Variants in LRP4 observed in about 807,000 individuals in gnomAD.
LRP4 encodes low-density lipoprotein receptor-related protein 4.
In LRP4, 95 loss-of-function variants were observed where a neutral mutation model predicts 220.3. The ratio of observed to expected loss-of-function variants is 0.43; its 90% CI spans 0.37 to 0.51. The LOEUF (loss-of-function observed/expected upper bound fraction) is 0.51. Ranked by LOEUF, LRP4 falls within the 20% of genes least tolerant of loss-of-function variation. LRP4 has a pLI of 0.00. For synonymous variants in LRP4, 903 were observed against 954.6 expected, an observed-to-expected ratio of 0.95 and a Z score of 1.00; for missense variants, 1,925 against 2,567.0, an observed-to-expected ratio of 0.75 and a Z score of 5.40.
At position 46,858,721 on chromosome 11, in the gene LRP4, A is replaced by AG; in HGVS notation, c.*261dup. The AG allele has an allele frequency of 2.0e-6, 1 of 510,344 alleles. No individual in the cohort carries two copies. Among genetic ancestry groups the AG allele is most frequent in the Non-Finnish European group, 3.6e-6 (1 of 278,408 alleles). The allele number at this position is 510,344 out of a possible 1,614,324, so 31.6% of individuals were successfully genotyped here. On this transcript the variant is annotated 3_prime_UTR_variant, in exon 38 of 38. Coordinates refer to ENST00000378623, the MANE Select transcript of LRP4 (RefSeq NM_002334.4). ...TGAGGAATCACGAATAAGCAGTTTC[A>AG]GGGGGCCCAGGATGGAGTACAAGAT...
chr11:46,868,324 G>A (rs1019183968), intron 33 of LRP4, among the ~76,000 whole-genome samples: 5 of 152,232 alleles, frequency 3.3e-5, no homozygotes, highest in Non-Finnish European at 7.3e-5. Flanking sequence ...CACCAGTCAG[G>A]AAGAGAGAGT....
Position 46,890,411 on chromosome 11 carries a change from T to C in LRP4, c.1781A>G (p.Asp594Gly). The change falls in exon 14 of 38, where the codon GAT becomes GGT. Residue 594 changes from aspartate to glycine, a missense_variant. Asp to Gly is a moderately conservative substitution (Grantham distance 94, BLOSUM62 -1). Coordinates refer to ENST00000378623, the MANE Select transcript of LRP4 (RefSeq NM_002334.4). This position sits in a 1 kb window ranked among gnomAD's most constrained non-coding sequence, Gnocchi z 5.3. ...GCCATTGGGCCAGAAGAGATGGGTA[T>C]CGGCAATGATGCGGCGTCCAGAGCC... Reference protein sequence around the residue: ...MDGSGRRIIADTHLFWPNGLT... With the variant: ...MDGSGRRIIAGTHLFWPNGLT... 2 of 1,614,076 alleles carry C rather than the reference T, an allele frequency of 1.2e-6. No homozygotes were observed. The highest frequency in any genetic ancestry group is 1.7e-6 in the Non-Finnish European group (2 of 1,180,016).
chr11:46,904,488 G>T (rs1941725868), intron 1 of LRP4, among the ~76,000 whole-genome samples: 1 of 142,126 alleles, frequency 7.0e-6, no homozygotes, highest in South Asian at 2.2e-4. Flanking sequence ...TGCATGGATG[G>T]ATGGATGGAT....
In LRP4 at chr11:46,899,814, G is replaced by A; in HGVS notation, c.430+49C>T. The A allele has an allele frequency of 6.7e-7, 1 of 1,481,994 alleles. No homozygotes were observed. Among genetic ancestry groups the A allele is most frequent in the Non-Finnish European group, 9.4e-7 (1 of 1,062,024 alleles). The allele number at this position is 1,481,994 out of a possible 1,614,324, so 91.8% of individuals were successfully genotyped here. On this transcript the variant is annotated intron_variant, in intron 4 of 37. Transcript: ENST00000378623. The surrounding 1 kb of genome is among the most constrained non-coding windows in gnomAD (Gnocchi z 5.9). ...TTGCTGCTATCTTCTCCCATGGCCA[G>A]GCCACCCACTGGCCACCTTGCCTGC...
Position 46,896,001 on chromosome 11 carries a change from C to T in LRP4, c.1066G>A (p.Glu356Lys), listed in dbSNP as rs746669931. The T allele has an allele frequency of 1.9e-6, 3 of 1,614,030 alleles. No individual in the cohort carries two copies. Among genetic ancestry groups the T allele is most frequent in the East Asian group, 4.5e-5 (2 of 44,896 alleles). ...QQNCRPRTGEENCNVNNGGCA... is the reference protein window; with the variant it reads ...QQNCRPRTGEKNCNVNNGGCA... ...CCACCGTTGTTAACATTGCAGTTCT[C>T]CTCACCCGTCCGGGGCCCTGTGCCA... The change falls in exon 10 of 38, where the codon GAG becomes AAG. Residue 356 changes from glutamate to lysine, a missense_variant. This residue lies in a region of LRP4 where 412 missense variants were observed against 505.4 expected (regional missense o/e 0.82). Coordinates refer to ENST00000378623, the MANE Select transcript of LRP4 (RefSeq NM_002334.4).
chr11:46,900,635 G>GT (rs1324641932), intron 2 of LRP4, among the ~76,000 whole-genome samples: 2 of 151,294 alleles, frequency 1.3e-5, no homozygotes, highest in Admixed American at 1.3e-4. Flanking sequence ...ACCTGGCTAG[G>GT]TTTTTTTGGT....
chr11:46,881,713 T>A lies in LRP4; in HGVS notation c.2803A>T (p.Ser935Cys), dbSNP rs1044241033. Reference sequence around the variant, plus strand: ...ACTGCCACCCTTACCTTCCTCTTACTGCCATCCAGTCCAGCAAATTCAATT... The same window carrying A: ...ACTGCCACCCTTACCTTCCTCTTACAGCCATCCAGTCCAGCAAATTCAATT... The part of the protein sequence containing the change: ...KTIEFAGLDG[S>C]KRKVLIGSQL... Residue 935 changes from serine (S) to cysteine (C), a missense_variant, in exon 20 of 38, where the codon AGT becomes TGT. By Grantham distance (112) the Ser-to-Cys change is moderately radical. Coordinates refer to ENST00000378623, the MANE Select transcript of LRP4 (RefSeq NM_002334.4). The A allele has an allele frequency of 6.2e-7, 1 of 1,613,822 alleles. No individual in the cohort carries two copies. Among genetic ancestry groups the A allele is most frequent in the Admixed American group, 1.7e-5 (1 of 59,980 alleles).
intron 1 of LRP4, among the ~76,000 whole-genome samples, chr11:46,917,954 CCT>C (rs1315590090): frequency 6.6e-6 from 1 of 152,216 alleles, no homozygotes; most frequent in Middle Eastern, 3.2e-3. Context: ...CACCCGCCTC[CCT>C]TTCTTCGCAC....
Position 46,871,605 on chromosome 11 carries a change from G to C in LRP4, c.4612C>G (p.Arg1538Gly). Residue 1538 changes from arginine to glycine, a missense_variant, in exon 31 of 38, where the codon CGG (arginine) becomes GGG (glycine). Physicochemically the swap from Arg to Gly is moderately radical, Grantham distance 125. Transcript: ENST00000378623. ...RIYWVDAHLD[R>G]IESADLNGKL... is the part of the protein sequence containing the mutation. ...CCATTGAGGTCAGCACTCTCGATCC[G>C]GTCCAGATGCGCATCCACCCAGTAG... 1.9e-6 allele frequency: 3 copies of C among 1,612,546 alleles called. No homozygotes were observed. The highest frequency in any genetic ancestry group is 2.5e-6 in the Non-Finnish European group (3 of 1,179,278).
Position 46,891,179 on chromosome 11 carries a change from T to C in LRP4, c.1698-685A>G, listed in dbSNP as rs1941414009. Among the ~76,000 whole-genome samples, 2 of 152,096 alleles carry C rather than the reference T, an allele frequency of 1.3e-5. 1 individual carries two copies. Among genetic ancestry groups the C allele is most frequent in the South Asian group, 4.2e-4 (2 of 4,818 alleles). ...CCCAGGCTGGAATGCAGTGGCACGA[T>C]TTCAGCTCACTGCAACCTCCACCTC... On this transcript the variant is annotated intron_variant, in intron 13 of 37. Coordinates refer to ENST00000378623, the MANE Select transcript of LRP4 (RefSeq NM_002334.4).
chr11:46,879,170 T>C lies in LRP4; in HGVS notation c.2960A>G (p.Glu987Gly), dbSNP rs1941092059. 1 of 1,614,224 alleles carries C rather than the reference T, an allele frequency of 6.2e-7. No homozygotes were observed. The highest frequency in any genetic ancestry group is 8.5e-7 in the Non-Finnish European group (1 of 1,180,042). The part of the protein sequence containing the change: ...LDRETLQENL[E>G]NLMDIHVFHR... ...GAAGACATGGATGTCCATTAGGTTT[T>C]CCAGGTTCTCCTGCAGAGTCTCCCG... The change falls in exon 21 of 38, where the codon GAA becomes GGA. Residue 987 changes from glutamate (E) to glycine (G), a missense_variant. By Grantham distance (98) the Glu-to-Gly change is moderately conservative (BLOSUM62 -2). Transcript: ENST00000378623.
In LRP4 at chr11:46,877,314, G is replaced by A. The variant is rs1470795853; in HGVS notation, c.3162C>T (p.Ala1054=). 1 of 1,614,100 alleles carries A rather than the reference G, an allele frequency of 6.2e-7. No individual in the cohort carries two copies. Among genetic ancestry groups the A allele is most frequent in the South Asian group, 1.1e-5 (1 of 91,080 alleles). The part of the protein sequence containing the change: ...SPGMNSFLIF[A]RRIDIRMVSL... ...AGACCATGCGAATGTCTATCCTCCTGGCGAAGATGAGGAAACTGTTCATGC... is the reference window on the plus strand; with the variant it reads ...AGACCATGCGAATGTCTATCCTCCTAGCGAAGATGAGGAAACTGTTCATGC... The change falls in exon 23 of 38, where the codon GCC becomes GCT. Residue 1054 remains alanine, a synonymous_variant. Transcript: ENST00000378623.
In LRP4 at chr11:46,918,338, G is replaced by T. The variant is rs1941984865; in HGVS notation, c.42C>A (p.Leu14=). ...QWGALLLGAL[L]CAHGLASSPE... ...GCGGGCGCCGCTTACCGTGTGCGCA[G>T]AGCAGGGCGCCAAGCAGCAGCGCGC... is the stretch of plus-strand genomic sequence containing the variant. The change falls in exon 1 of 38, where the codon CTC becomes CTA. Residue 14 remains leucine (L), a synonymous_variant. Transcript: ENST00000378623. The surrounding 1 kb of genome is among the most constrained non-coding windows in gnomAD (Gnocchi z 6.0). The T allele has an allele frequency of 1.3e-6, 2 of 1,497,018 alleles. No homozygotes were observed. Among genetic ancestry groups the T allele is most frequent in the South Asian group, 1.2e-5 (1 of 80,596 alleles). 92.7% of individuals were successfully genotyped at this position (1,497,018 alleles called of 1,614,324 possible).
chr11:46,911,428 A>G (rs951352716), intron 1 of LRP4, among the ~76,000 whole-genome samples: 4 of 152,036 alleles, frequency 2.6e-5, no homozygotes, highest in Non-Finnish European at 5.9e-5. Context: ...ACACAGTAAC[A>G]AACCACATTT....
rs1941630511 is a variant in LRP4, at chr11:46,899,923, G to A, written c.370C>T (p.Arg124Trp). 3 of 1,613,808 alleles carry A rather than the reference G, an allele frequency of 1.9e-6. No individual in the cohort carries two copies. The highest frequency in any genetic ancestry group is 1.3e-5 in the African/African-American group (1 of 74,950). The change falls in exon 4 of 38, where the codon CGG (arginine) becomes TGG (tryptophan). Residue 124 changes from arginine to tryptophan, a missense_variant. Arg to Trp is a moderately radical substitution (Grantham distance 101). Coordinates refer to ENST00000378623, the MANE Select transcript of LRP4 (RefSeq NM_002334.4). This position sits in a 1 kb window ranked among gnomAD's most constrained non-coding sequence, Gnocchi z 5.9. ...TCACCATCGCAGTGCCACAGACTCCGGATGCAGTAGCCATTCTGGCAGGGA... is the reference window on the plus strand; with the variant it reads ...TCACCATCGCAGTGCCACAGACTCCAGATGCAGTAGCCATTCTGGCAGGGA... ...EFPCQNGYCI[R>W]SLWHCDGDND...
rs145967521 is a variant in LRP4 at position 46,862,569 on chromosome 11, G to A, written c.5385+37C>T. 142 of 1,611,566 alleles carry A rather than the reference G, an allele frequency of 8.8e-5. 3 individuals are homozygous for A. The South Asian group carries it at 1.0e-3, about 11-fold the overall frequency. On this transcript the variant is annotated intron_variant, in intron 37 of 37. Transcript: ENST00000378623. ...GGAGTAAAATCCCTCCCCACACCTC[G>A]CCAAAAAGACCCTTGAATATAAATT... is the stretch of plus-strand genomic sequence containing the variant.
rs1292701754 is a variant in LRP4, at chr11:46,864,531, T to C, written c.5160A>G (p.Glu1720=). The C allele has an allele frequency of 1.2e-6, 2 of 1,609,300 alleles. No homozygotes were observed. Among genetic ancestry groups the C allele is most frequent in the East Asian group, 2.2e-5 (1 of 44,852 alleles). The part of the protein sequence containing the change: ...SNDAVPAAPG[E]GLHISYAIGG... ...CAATGGCGTAGCTGATATGAAGTCC[T>C]TCCCCTAGGAAGAATAGAGAAACAC... Residue 1720 remains glutamate (E), a synonymous_variant, in exon 36 of 38, where the codon GAA becomes GAG. Coordinates refer to ENST00000378623, the MANE Select transcript of LRP4 (RefSeq NM_002334.4).
chr11:46,897,456 G>A (rs1241290315), intron 7 of LRP4, among the ~76,000 whole-genome samples: 1 of 149,882 alleles, frequency 6.7e-6, no homozygotes, highest in Non-Finnish European at 1.5e-5. Context: ...CAATAGTGGA[G>A]GGAAGGTCAG....
At chr11:46,893,209 C>T (rs1592539267) in intron 12 of LRP4, 80 bp from the exon 13 acceptor site, 2 of 1,546,096 alleles carry the variant, frequency 1.3e-6, no homozygotes, top group South Asian at 1.1e-5. Context: ...CAAACTCTTA[C>T]AGGAAGCAAT....
Sources: allele counts gnomAD v4.1 joint callset (sites outside exome capture counted in the v4.1 genomes callset), GRCh38; gene constraint gnomAD v4.1.1; regional missense constraint gnomAD v4.1.1; non-coding constraint Gnocchi (gnomAD v3.1); transcripts MANE v1.5; gene names NCBI Gene and HGNC (gene_info 2026-07-23, HGNC 2026-07-21).